ASB18: variants seen among roughly 807,000 people sequenced by gnomAD.
ASB18 encodes the protein ankyrin repeat and SOCS box protein 18.
ASB18 carries 33 observed loss-of-function variants against 33.4 expected under a neutral mutation model. That is an observed-to-expected ratio of 0.99 (90% CI 0.75 to 1.32). The LOEUF is 1.32. Among genes scored for constraint, ASB18 ranks in the 40% most tolerant of loss-of-function variants. The pLI, the probability that ASB18 is intolerant of heterozygous loss-of-function variation, is 0.00. For missense variants in ASB18, 694 were observed against 655.5 expected (o/e 1.06, Z -0.64); for synonymous variants, 295 against 307.6 (o/e 0.96, Z 0.43).
Position 236,228,120 on chromosome 2 carries a change from A to T in ASB18, c.596+9569T>A, listed in dbSNP as rs532616768. On this transcript the variant is annotated intron_variant, in intron 3 of 5. Coordinates refer to ENST00000409749, the MANE Select transcript of ASB18 (RefSeq NM_212556.4). The surrounding 1 kb of genome is among the most constrained non-coding windows in gnomAD (Gnocchi z 5.1). ...ATCTATCAGATGAGTCAAGAACAAAAATTGGAAGTGAATGCAAGGTAGAAA... is the reference window on the plus strand; with the variant it reads ...ATCTATCAGATGAGTCAAGAACAAATATTGGAAGTGAATGCAAGGTAGAAA... 6.6e-6 allele frequency among the ~76,000 whole-genome samples: 1 copy of T among 152,370 alleles called. No homozygotes were observed. The highest frequency in any genetic ancestry group is 2.1e-4 in the South Asian group (1 of 4,828).
rs777343222 is a variant in ASB18, at chr2:236,193,608, C to T, written c.*1264G>A. Among the ~76,000 whole-genome samples, 14 of 152,062 alleles carry T rather than the reference C, an allele frequency of 9.2e-5. No individual in the cohort carries two copies. The highest frequency in any genetic ancestry group is 1.5e-4 in the Non-Finnish European group (10 of 68,020). On this transcript the variant is annotated 3_prime_UTR_variant, in exon 6 of 6. Transcript: ENST00000409749. The surrounding 1 kb of genome is among the most constrained non-coding windows in gnomAD (Gnocchi z 5.0). ...GATCGGGAGTTTGAGACCAGCCTGA[C>T]GAACATGGAGAAACCCCGTCTCTAC... is the stretch of plus-strand genomic sequence containing the variant.
At position 236,255,204 on chromosome 2, in the gene ASB18, C is replaced by T. The variant is rs1429855191; in HGVS notation, c.205+8937G>A. On this transcript the variant is annotated intron_variant, in intron 1 of 5. Transcript: ENST00000409749. This position sits in a 1 kb window ranked among gnomAD's most constrained non-coding sequence, Gnocchi z 4.4. ...TGTCGCCCAGGCCTGAGTGCAGTAG[C>T]GCGATCTTGGCTCACTGCAACCTCC... Among the ~76,000 whole-genome samples, 2 of 152,018 alleles carry T rather than the reference C, an allele frequency of 1.3e-5. No homozygotes were observed. The highest frequency in any genetic ancestry group is 2.9e-5 in the Non-Finnish European group (2 of 68,010).
rs1287319830 is a variant in ASB18, at chr2:236,208,338, G to A, written c.1101+6024C>T. 6.6e-6 allele frequency among the ~76,000 whole-genome samples: 1 copy of A among 152,124 alleles called. No homozygotes were observed. Among genetic ancestry groups the A allele is most frequent in the African/African-American group, 2.4e-5 (1 of 41,432 alleles). ...CTAACATGCCATTTCCTCGTGCACG[G>A]CAGTCTCTGATTTCAATCATCCCCT... On this transcript the variant is annotated intron_variant, in intron 4 of 5. Transcript: ENST00000409749. This position sits in a 1 kb window ranked among gnomAD's most constrained non-coding sequence, Gnocchi z 7.7.
Position 236,225,968 on chromosome 2 carries a change from C to G in ASB18, c.597-11102G>C, listed in dbSNP as rs2060535820. 6.6e-6 allele frequency among the ~76,000 whole-genome samples: 1 copy of G among 152,082 alleles called. No homozygotes were observed. The highest frequency in any genetic ancestry group is 6.5e-5 in the Admixed American group (1 of 15,282). On this transcript the variant is annotated intron_variant, in intron 3 of 5. Coordinates refer to ENST00000409749, the MANE Select transcript of ASB18 (RefSeq NM_212556.4). The surrounding 1 kb of genome is among the most constrained non-coding windows in gnomAD (Gnocchi z 5.1). ...GCTCTGTATGTAGGTCAGCGACCCC[C>G]TCTCTACTGTGAGGTAAAAAAATTA...
In ASB18 at chr2:236,245,643, C is replaced by T. The variant is rs1189097536; in HGVS notation, c.206-4241G>A. On this transcript the variant is annotated intron_variant, in intron 1 of 5. Transcript: ENST00000409749. This position sits in a 1 kb window ranked among gnomAD's most constrained non-coding sequence, Gnocchi z 4.7. ...TGACCTCCAAGACCAGTCCTGATGT[C>T]TGTCCTTGCACTCTGACTGTGGCAC... is the stretch of plus-strand genomic sequence containing the variant. Among the ~76,000 whole-genome samples, 4 of 152,222 alleles carry T rather than the reference C, an allele frequency of 2.6e-5. No individual in the cohort carries two copies. The highest frequency in any genetic ancestry group is 5.9e-5 in the Non-Finnish European group (4 of 68,044).
At chr2:236,227,377 A>G (rs2060545772) in intron 3 of ASB18, among the ~76,000 whole-genome samples, 1 of 152,258 alleles carries the variant, frequency 6.6e-6, no homozygotes, top group African/African-American at 2.4e-5. Flanking sequence ...ATTAGACATG[A>G]GGCCCCAACA....
chr2:236,241,992 A>G lies in ASB18; in HGVS notation c.206-590T>C, dbSNP rs563486656. On this transcript the variant is annotated intron_variant, in intron 1 of 5. Transcript: ENST00000409749. This position sits in a 1 kb window ranked among gnomAD's most constrained non-coding sequence, Gnocchi z 4.2. ...GTAATATCCTCTCAGATTTTTTTTT[A>G]AAGTACTATATTTGGAATCTGGAAA... Among the ~76,000 whole-genome samples the G allele has an allele frequency of 6.6e-6, 1 of 152,080 alleles. No homozygotes were observed.
chr2:236,256,400 C>T lies in ASB18; in HGVS notation c.205+7741G>A, dbSNP rs1202737984. Among the ~76,000 whole-genome samples, 2 of 152,114 alleles carry T rather than the reference C, an allele frequency of 1.3e-5. No individual in the cohort carries two copies. The highest frequency in any genetic ancestry group is 2.4e-5 in the African/African-American group (1 of 41,404). On this transcript the variant is annotated intron_variant, in intron 1 of 5. Coordinates refer to ENST00000409749, the MANE Select transcript of ASB18 (RefSeq NM_212556.4). The surrounding 1 kb of genome is among the most constrained non-coding windows in gnomAD (Gnocchi z 4.7). ...ACAAACCTAGTCCCTGTCCAATATC[C>T]AGGTGCAGAGGTTGGCATTAAAAGA...
At chr2:236,202,350 T>C (rs1347576178) in intron 4 of ASB18, among the ~76,000 whole-genome samples, 2 of 152,138 alleles carry the variant, frequency 1.3e-5, no homozygotes, top group African/African-American at 4.8e-5. Context: ...TTTATTATCA[T>C]AAATCAAGCG....
rs1380666874 is a variant in ASB18 at position 236,237,735 on chromosome 2, C to A, written c.550G>T (p.Glu184Ter). 119 of 1,458,142 alleles carry A rather than the reference C, an allele frequency of 8.2e-5. No homozygotes were observed. Among genetic ancestry groups the A allele is most frequent in the Non-Finnish European group, 1.0e-4 (115 of 1,110,842 alleles). 90.3% of individuals were successfully genotyped at this position (1,458,142 alleles called of 1,614,324 possible). ...CAGAGGTGCAGAGGCGCCAGGCCCT[C>A]GGCGCTGAGCAGGTCGGGGTCGGCG... ...HRADPDLLSAEGLAPLHLCRT... is the reference protein window; with the variant it reads ...HRADPDLLSA The change falls in exon 3 of 6, where the codon GAG becomes TAG. Residue 184 changes from glutamate (E) to a stop codon, truncating the protein, a stop_gained. Coordinates refer to ENST00000409749, the MANE Select transcript of ASB18 (RefSeq NM_212556.4). LOFTEE classifies it high-confidence loss of function. The surrounding 1 kb of genome is among the most constrained non-coding windows in gnomAD (Gnocchi z 6.2).
rs1040745248 is a variant in ASB18 at position 236,244,058 on chromosome 2, C to G, written c.206-2656G>C. Among the ~76,000 whole-genome samples the G allele has an allele frequency of 6.6e-6, 1 of 152,194 alleles. No individual in the cohort carries two copies. Among genetic ancestry groups the G allele is most frequent in the South Asian group, 2.1e-4 (1 of 4,836 alleles). The stretch of plus-strand genomic sequence containing the variant: ...GCTAGGCTGGTCTCAAACTCCTGAC[C>G]TCAGGTGATCTGCCCACTTCGGCCT... On this transcript the variant is annotated intron_variant, in intron 1 of 5. Transcript: ENST00000409749. This position sits in a 1 kb window ranked among gnomAD's most constrained non-coding sequence, Gnocchi z 6.1.
rs1266899030 is a variant in ASB18 at position 236,220,058 on chromosome 2, G to T, written c.597-5192C>A. On this transcript the variant is annotated intron_variant, in intron 3 of 5. Transcript: ENST00000409749. This position sits in a 1 kb window ranked among gnomAD's most constrained non-coding sequence, Gnocchi z 5.1. ...ACTGCAATGACAGGTTGTTACAGGG[G>T]CCCAGGGTTAACAGCAGAAAGAAAA... Among the ~76,000 whole-genome samples, 1 of 152,164 alleles carries T rather than the reference G, an allele frequency of 6.6e-6. No homozygotes were observed. The highest frequency in any genetic ancestry group is 2.4e-5 in the African/African-American group (1 of 41,430).
intron 1 of ASB18, among the ~76,000 whole-genome samples, chr2:236,261,895 G>A (rs1027513867): frequency 6.6e-6 from 1 of 152,120 alleles, no homozygotes; most frequent in Admixed American, 6.5e-5. Context: ...ATCAGATCTC[G>A]TGAGACTTAT....
At position 236,195,469 on chromosome 2, in the gene ASB18, C is replaced by T. The variant is rs1250243532; in HGVS notation, c.1216-412G>A. ...TTGGTCTGGTGGTCAGTCATGCACA[C>T]ATGACTCAAGTCAGTGAAACAGAAA... On this transcript the variant is annotated intron_variant, in intron 5 of 5. Transcript: ENST00000409749. The surrounding 1 kb of genome is among the most constrained non-coding windows in gnomAD (Gnocchi z 5.5). 6.7e-6 allele frequency among the ~76,000 whole-genome samples: 1 copy of T among 149,594 alleles called. No individual in the cohort carries two copies. The highest frequency in any genetic ancestry group is 1.9e-4 in the East Asian group (1 of 5,182).
rs1199036808 is a variant in ASB18 at position 236,194,522 on chromosome 2, T to A, written c.*350A>T. 6.6e-6 allele frequency among the ~76,000 whole-genome samples: 1 copy of A among 152,226 alleles called. No homozygotes were observed. Among genetic ancestry groups the A allele is most frequent in the African/African-American group, 2.4e-5 (1 of 41,452 alleles). ...GAAAACTGGCATTGTTATACCTCAT[T>A]TAGCTTAAAGCTGGTTCCCTAGAAC... On this transcript the variant is annotated 3_prime_UTR_variant, in exon 6 of 6. Coordinates refer to ENST00000409749, the MANE Select transcript of ASB18 (RefSeq NM_212556.4). This position sits in a 1 kb window ranked among gnomAD's most constrained non-coding sequence, Gnocchi z 4.5.
intron 3 of ASB18, among the ~76,000 whole-genome samples, chr2:236,227,088 G>T (rs980133664): frequency 3.3e-5 from 5 of 152,098 alleles, no homozygotes; most frequent in African/African-American, 1.2e-4. Flanking sequence ...TGCATTTAAA[G>T]AACTTAATTT....
At chr2:236,210,136 C>A (rs2060452900) in intron 4 of ASB18, among the ~76,000 whole-genome samples, 1 of 152,178 alleles carries the variant, frequency 6.6e-6, no homozygotes, top group South Asian at 2.1e-4. Flanking sequence ...ACAGGCAGCT[C>A]CACCAGGGTG....
Position 236,251,232 on chromosome 2 carries a change from G to A in ASB18, c.206-9830C>T, listed in dbSNP as rs942965264. On this transcript the variant is annotated intron_variant, in intron 1 of 5. Coordinates refer to ENST00000409749, the MANE Select transcript of ASB18 (RefSeq NM_212556.4). This position sits in a 1 kb window ranked among gnomAD's most constrained non-coding sequence, Gnocchi z 5.3. ...AGATGCCCTTGAACACCGTGTATCC[G>A]CTGTGGATGAGTGCAAAACACAGCG... Among the ~76,000 whole-genome samples the A allele has an allele frequency of 2.0e-5, 3 of 152,174 alleles. No individual in the cohort carries two copies. The highest frequency in any genetic ancestry group is 4.8e-5 in the African/African-American group (2 of 41,434).
In ASB18 at chr2:236,238,120, A is replaced by T. The variant is rs1576406937; in HGVS notation, c.329-164T>A. Among the ~76,000 whole-genome samples the T allele has an allele frequency of 6.6e-6, 1 of 152,314 alleles. No homozygotes were observed. The highest frequency in any genetic ancestry group is 1.9e-4 in the East Asian group (1 of 5,190). On this transcript the variant is annotated intron_variant, in intron 2 of 5. Coordinates refer to ENST00000409749, the MANE Select transcript of ASB18 (RefSeq NM_212556.4). The surrounding 1 kb of genome is among the most constrained non-coding windows in gnomAD (Gnocchi z 5.2). ...GAATCAGAGACGCACACAGAGACAG[A>T]GAGCAGAGAGACACACTGGGAAGAG...
Sources: allele counts gnomAD v4.1 joint callset (sites outside exome capture counted in the v4.1 genomes callset), GRCh38; gene constraint gnomAD v4.1.1; non-coding constraint Gnocchi (gnomAD v3.1); transcripts MANE v1.5; gene names NCBI Gene and HGNC (gene_info 2026-07-23, HGNC 2026-07-21).